Variants in RETREG1 observed in about 807,000 individuals in gnomAD.
RETREG1 encodes the protein family with sequence similarity 134 member B.
In RETREG1, 44 loss-of-function variants were observed where a neutral mutation model predicts 54.8. The ratio of observed to expected loss-of-function variants is 0.80; its 90% CI spans 0.63 to 1.03. The LOEUF (loss-of-function observed/expected upper bound fraction) is 1.03, where lower values mean the gene tolerates loss of function less well. Among genes scored for constraint, RETREG1 ranks in the 50% least tolerant of loss-of-function variants. The probability of loss-of-function intolerance (pLI) is 0.00; values close to 1 mark genes in which losing one functional copy is unlikely to be tolerated. For missense variants in RETREG1, 554 were observed against 605.1 expected (o/e 0.92, Z 0.89); for synonymous variants, 217 against 238.5 (o/e 0.91, Z 0.83).
chr5:16,580,388 G>A (rs1426896589), intron 1 of RETREG1, among the ~76,000 whole-genome samples: 3 of 152,186 alleles, frequency 2.0e-5, no homozygotes, highest in Non-Finnish European at 2.9e-5. Flanking sequence ...CCTTGCTGAC[G>A]CCTCCAGCAT....
rs876661228 is a variant in RETREG1 at position 16,616,928 on chromosome 5, G to C, written c.44C>G (p.Pro15Arg). 2.7e-6 allele frequency: 4 copies of C among 1,475,766 alleles called. No homozygotes were observed. Among genetic ancestry groups the C allele is most frequent in the Non-Finnish European group, 3.6e-6 (4 of 1,120,258 alleles). The allele number at this position is 1,475,766 out of a possible 1,614,324, so 91.4% of individuals were successfully genotyped here. A position where few individuals can be genotyped will look rare whatever the true frequency, so the allele number is the denominator to read the frequency against. ...CGCCTGCTCCTCGGCGGCAGGAGCCGGGCATCCCTCCTCGGCGTGCTCCGG... is the reference window on the plus strand; with the variant it reads ...CGCCTGCTCCTCGGCGGCAGGAGCCCGGCATCCCTCCTCGGCGTGCTCCGG... The part of the protein sequence containing the change: ...APPEHAEEGC[P>R]APAAEEQAPP... Residue 15 changes from proline to arginine, a missense_variant, in exon 1 of 9, where the codon CCG (proline) becomes CGG (arginine). This residue lies in a region of RETREG1 where 175 missense variants were observed against 142.1 expected (regional missense o/e 1.23). Transcript: ENST00000306320.
At chr5:16,518,180 A>T (rs1740420201) in intron 3 of RETREG1, among the ~76,000 whole-genome samples, 1 of 148,120 alleles carries the variant, frequency 6.8e-6, no homozygotes, top group Non-Finnish European at 1.5e-5. Context: ...ATATGTAAAT[A>T]TAGTGATTAT....
intron 3 of RETREG1, among the ~76,000 whole-genome samples, chr5:16,510,090 T>C (rs1740120141): frequency 6.6e-6 from 1 of 152,266 alleles, no homozygotes; most frequent in Non-Finnish European, 1.5e-5. Context: ...ATGTTATCTA[T>C]ATTTAATGTA....
At chr5:16,596,847 A>G (rs1279573648) in intron 1 of RETREG1, among the ~76,000 whole-genome samples, 1 of 152,138 alleles carries the variant, frequency 6.6e-6, no homozygotes, top group Non-Finnish European at 1.5e-5. Context: ...GACCACAAAA[A>G]TCTTATGCAG....
chr5:16,573,076 C>CT (rs1742224346), intron 1 of RETREG1, among the ~76,000 whole-genome samples: 1 of 148,306 alleles, frequency 6.7e-6, no homozygotes, highest in Non-Finnish European at 1.5e-5. Context: ...CCAGCTACTC[C>CT]GAGTCTGAAG....
chr5:16,494,620 CT>C (rs1739380182), intron 3 of RETREG1, among the ~76,000 whole-genome samples: 1 of 152,204 alleles, frequency 6.6e-6, no homozygotes, highest in Non-Finnish European at 1.5e-5. Context: ...TGATTGGCAG[CT>C]TCCTTAGGCC....
intron 3 of RETREG1, among the ~76,000 whole-genome samples, chr5:16,545,575 T>TAGCAGCAGC (rs540633034): frequency 6.6e-6 from 1 of 152,020 alleles, no homozygotes; most frequent in Non-Finnish European, 1.5e-5. Context: ...ATTCACAGTT[T>TAGCAGCAGC]AGCAGCAGCA....
At position 16,572,129 on chromosome 5, in the gene RETREG1, T is replaced by A. The variant is rs372482212; in HGVS notation, c.321-27A>T. ...TGCAACAGCGAAACACAAATCAGTA[T>A]TTCAATTTGAGGATTTTTAACCTTT... is the stretch of plus-strand genomic sequence containing the variant. On this transcript the variant is annotated intron_variant, in intron 1 of 8. Transcript: ENST00000306320. 8.5e-6 allele frequency: 13 copies of A among 1,533,374 alleles called. No individual in the cohort carries two copies. The African/African-American group carries it at 1.5e-4, about 18-fold the overall frequency. The allele number at this position is 1,533,374 out of a possible 1,614,324, so 95.0% of individuals were successfully genotyped here.
intron 3 of RETREG1, among the ~76,000 whole-genome samples, chr5:16,542,543 G>C (rs1185837820): frequency 6.6e-6 from 1 of 152,086 alleles, no homozygotes; most frequent in Non-Finnish European, 1.5e-5. Context: ...TACAAACAAC[G>C]CAGCCCAGAG....
At chr5:16,595,217 C>A (rs1170301664) in intron 1 of RETREG1, among the ~76,000 whole-genome samples, 1 of 152,166 alleles carries the variant, frequency 6.6e-6, no homozygotes, top group Non-Finnish European at 1.5e-5. Flanking sequence ...TTCTAATAGA[C>A]CCCTTTAATA....
At chr5:16,489,328 A>G (rs1056464492) in intron 3 of RETREG1, among the ~76,000 whole-genome samples, 10 of 152,096 alleles carry the variant, frequency 6.6e-5, no homozygotes, top group African/African-American at 2.4e-4. Context: ...ATATTATAAG[A>G]TTTGTCTTTG....
intron 1 of RETREG1, among the ~76,000 whole-genome samples, chr5:16,610,913 C>T (rs1376042801): frequency 3.3e-5 from 5 of 152,086 alleles, no homozygotes; most frequent in African/African-American, 9.7e-5. Context: ...TGGGTATATA[C>T]CCAAAGGACT....
rs781571820 is a variant in RETREG1, at chr5:16,481,104, T to C, written c.586-11A>G. On this transcript the variant is annotated splice_polypyrimidine_tract_variant and intron_variant, in intron 4 of 8. Coordinates refer to ENST00000306320, the MANE Select transcript of RETREG1 (RefSeq NM_001034850.3). Reference sequence around the variant, plus strand: ...GACCAGGAGACAAAACTGGAAATAATAGAAATAACATGGGATAGTTAAGCA... The same window carrying C: ...GACCAGGAGACAAAACTGGAAATAACAGAAATAACATGGGATAGTTAAGCA... 4.4e-6 allele frequency: 7 copies of C among 1,593,840 alleles called. No homozygotes were observed. In the Admixed American group the frequency reaches 5.0e-5, roughly 11 times the overall value.
intron 2 of RETREG1, among the ~76,000 whole-genome samples, chr5:16,566,889 G>A (rs1742027229): frequency 6.6e-6 from 1 of 152,186 alleles, no homozygotes; most frequent in South Asian, 2.1e-4. Flanking sequence ...AAGAATGCAG[G>A]GGACTGTGAG....
intron 2 of RETREG1, among the ~76,000 whole-genome samples, chr5:16,566,562 C>T (rs1286347179): frequency 1.3e-5 from 2 of 152,154 alleles, no homozygotes; most frequent in Admixed American, 6.5e-5. Context: ...AATGTGTTGT[C>T]CCTTATGTTT....
Position 16,616,728 on chromosome 5 carries a change from G to A in RETREG1, c.244C>T (p.Arg82Cys). 2 of 1,582,904 alleles carry A rather than the reference G, an allele frequency of 1.3e-6. No individual in the cohort carries two copies. Among genetic ancestry groups the A allele is most frequent in the East Asian group, 2.3e-5 (1 of 43,578 alleles). Reference protein sequence around the residue: ...LGEPVLWLGCRADELLSWKRP... With the variant: ...LGEPVLWLGCCADELLSWKRP... Reference sequence around the variant, plus strand: ...TTCCAGCTCAGCAGCTCGTCGGCGCGGCAGCCCAGCCACAGCACCGGCTCC... The same window carrying A: ...TTCCAGCTCAGCAGCTCGTCGGCGCAGCAGCCCAGCCACAGCACCGGCTCC... Residue 82 changes from arginine to cysteine, a missense_variant, in exon 1 of 9, where the codon CGC becomes TGC. By Grantham distance (180) the Arg-to-Cys change is radical. This residue lies in a region of RETREG1 where 175 missense variants were observed against 142.1 expected (regional missense o/e 1.23). Coordinates refer to ENST00000306320, the MANE Select transcript of RETREG1 (RefSeq NM_001034850.3).
chr5:16,588,053 T>G (rs979391960), intron 1 of RETREG1, among the ~76,000 whole-genome samples: 4 of 152,234 alleles, frequency 2.6e-5, no homozygotes, highest in African/African-American at 9.6e-5. Flanking sequence ...GCTCCCAGTC[T>G]GAGGCCAGAG....
At chr5:16,616,443 AACG>A (rs1359039681) in intron 1 of RETREG1, 9 of 904,786 alleles carry the variant, frequency 9.9e-6, no homozygotes, top group Middle Eastern at 3.5e-4. Flanking sequence ...GCACACGGAG[AACG>A]ACAACTGCTC....
At chr5:16,556,207 T>G (rs904700653) in intron 3 of RETREG1, among the ~76,000 whole-genome samples, 71 of 151,606 alleles carry the variant, frequency 4.7e-4, no homozygotes, top group African/African-American at 1.7e-3. Context: ...CGCCCAGGCT[T>G]GAGTGCAGTG....
Sources: gnomAD v4.1 joint callset for allele counts (sites outside exome capture counted in the v4.1 genomes callset) on GRCh38, gnomAD v4.1.1 for gene constraint, gnomAD v4.1.1 regional missense constraint, MANE v1.5 for transcripts, NCBI Gene and HGNC (gene_info 2026-07-23, HGNC 2026-07-21) for gene names.